Variants in FAM117A observed in about 807,000 individuals in gnomAD.
FAM117A encodes protein FAM117A.
A neutral mutation model predicts 44.1 loss-of-function variants in FAM117A; 21 were observed. The ratio of observed to expected loss-of-function variants is 0.48; its 90% confidence interval spans 0.34 to 0.69. FAM117A has a LOEUF of 0.69. FAM117A is among the 30% of genes least tolerant of loss of function. The pLI is 0.01. For missense variants in FAM117A, 498 were observed against 589.9 expected (o/e 0.84, Z 1.61); for synonymous variants, 220 against 238.3 (o/e 0.92, Z 0.71).
chr17:49,740,797 G>A (rs2143752049), intron 1 of FAM117A, among the ~76,000 whole-genome samples: 1 of 152,274 alleles, frequency 6.6e-6, no homozygotes, highest in African/African-American at 2.4e-5. Context: ...GGCCACACCA[G>A]CATATCTCCC....
At chr17:49,769,913 A>G (rs912636944) in intron 1 of FAM117A, among the ~76,000 whole-genome samples, 2 of 152,074 alleles carry the variant, frequency 1.3e-5, no homozygotes, top group Non-Finnish European at 2.9e-5. Flanking sequence ...AGCAAATCAG[A>G]GACAAGCAAA....
intron 7 of FAM117A, among the ~76,000 whole-genome samples, chr17:49,713,932 G>A (rs1034924545): frequency 6.6e-6 from 1 of 152,184 alleles, no homozygotes; most frequent in Non-Finnish European, 1.5e-5. Flanking sequence ...TGGTGGGTGT[G>A]TTTGGGAAGG....
At position 49,717,503 on chromosome 17, in the gene FAM117A, C is replaced by T. The variant is rs771832623; in HGVS notation, c.910+10G>A. On this transcript the variant is annotated intron_variant, in intron 6 of 7. Transcript: ENST00000240364. The stretch of plus-strand genomic sequence containing the variant: ...GAGTCAGCCCTGCTGCCTCAGCCTT[C>T]GCGGCTTACCTTTGTCGTTGGGGGT... The T allele has an allele frequency of 4.8e-5, 78 of 1,612,874 alleles. No homozygotes were observed. Among genetic ancestry groups the T allele is most frequent in the Non-Finnish European group, 5.9e-5 (70 of 1,179,586 alleles).
intron 7 of FAM117A, among the ~76,000 whole-genome samples, chr17:49,714,058 G>A (rs1212626763): frequency 1.3e-5 from 2 of 152,114 alleles, no homozygotes; most frequent in Admixed American, 6.6e-5. Context: ...TTCTAGGTGT[G>A]TGCATGTACG....
intron 1 of FAM117A, among the ~76,000 whole-genome samples, chr17:49,785,741 G>A (rs1278027094): frequency 1.3e-5 from 2 of 152,148 alleles, no homozygotes; most frequent in Non-Finnish European, 2.9e-5. Flanking sequence ...CAGCAGTTAA[G>A]TGCAAAATAA....
intron 5 of FAM117A, among the ~76,000 whole-genome samples, chr17:49,718,657 C>T (rs535670365): frequency 1.4e-5 from 2 of 142,574 alleles, no homozygotes; most frequent in South Asian, 2.2e-4. Flanking sequence ...GGCGACAGAG[C>T]GAGATTCTGT....
Position 49,764,041 on chromosome 17 carries a change from G to A in FAM117A, c.47C>T (p.Pro16Leu). Residue 16 changes from proline to leucine, a missense_variant, in exon 1 of 8, where the codon CCG becomes CTG. By Grantham distance (98) the Pro-to-Leu change is moderately conservative (BLOSUM62 -3). Transcript: ENST00000240364. ...AGGRGGGAWG[P>L]GRGGAGGLRR... ...GAGCCCCCCGGCCCCTCCGCGCCCC[G>A]GCCCCCAGGCACCTCCGCCTCTGCC... 1.8e-6 allele frequency: 1 copy of A among 557,470 alleles called. No homozygotes were observed. Among genetic ancestry groups the A allele is most frequent in the Non-Finnish European group, 2.3e-6 (1 of 439,382 alleles). 34.5% of individuals were successfully genotyped at this position (557,470 alleles called of 1,614,324 possible). A position where few individuals can be genotyped will look rare whatever the true frequency, so the allele number is the denominator to read the frequency against.
At chr17:49,734,143 A>C (rs1459564724) in intron 1 of FAM117A, among the ~76,000 whole-genome samples, 2 of 132,262 alleles carry the variant, frequency 1.5e-5, no homozygotes, top group Non-Finnish European at 3.3e-5. Context: ...ACTCTGTCTC[A>C]AAAAAAAAAA....
intron 1 of FAM117A, among the ~76,000 whole-genome samples, chr17:49,736,745 A>G (rs2073612492): frequency 6.6e-6 from 1 of 152,214 alleles, no homozygotes; most frequent in Non-Finnish European, 1.5e-5. Context: ...TGTCAGGGCC[A>G]GCTTTACTGC....
rs145912572 is a variant in FAM117A at position 49,746,692 on chromosome 17, C to T, written c.197-13972G>A. Among the ~76,000 whole-genome samples the T allele has an allele frequency of 9.3e-3, 1,424 of 152,306 alleles. 14 individuals carry two copies. The highest frequency in any genetic ancestry group is 0.034 in the Middle Eastern group (10 of 294). On this transcript the variant is annotated intron_variant, in intron 1 of 7. Transcript: ENST00000240364. ...ACACAGCCAAGTGGCCCCTCGGCAT[C>T]CATTTGTCATGATTGCTCTTCAAAA...
chr17:49,756,713 C>T (rs1241521065), intron 1 of FAM117A, among the ~76,000 whole-genome samples: 1 of 151,606 alleles, frequency 6.6e-6, no homozygotes, highest in Non-Finnish European at 1.5e-5. Flanking sequence ...GTCAGGAGTT[C>T]GAGACCAGAC....
intron 3 of FAM117A, among the ~76,000 whole-genome samples, chr17:49,721,106 G>C (rs1268774662): frequency 2.0e-5 from 3 of 152,214 alleles, no homozygotes; most frequent in Non-Finnish European, 4.4e-5. Context: ...CCTGAGACCA[G>C]GAAGGATGGG....
chr17:49,772,291 CA>C (rs71146935), intron 1 of FAM117A, among the ~76,000 whole-genome samples: 4,787 of 136,348 alleles, frequency 0.035, 119 homozygotes, highest in Non-Finnish European at 0.052. Context: ...AACTCCACCT[CA>C]AAAAAAAAAA....
intron 1 of FAM117A, among the ~76,000 whole-genome samples, chr17:49,763,527 G>T (rs1444717910): frequency 7.4e-6 from 1 of 134,872 alleles, no homozygotes; most frequent in East Asian, 2.2e-4. Flanking sequence ...CCATCCGCAC[G>T]GGGCGCCCCC....
At chr17:49,727,045 T>A (rs2073563258) in intron 2 of FAM117A, among the ~76,000 whole-genome samples, 1 of 152,020 alleles carries the variant, frequency 6.6e-6, no homozygotes. Flanking sequence ...CACACCATGC[T>A]GCTCAGTCAT....
At chr17:49,774,665 G>A (rs1210682676) in intron 1 of FAM117A, among the ~76,000 whole-genome samples, 1 of 152,050 alleles carries the variant, frequency 6.6e-6, no homozygotes, top group Non-Finnish European at 1.5e-5. Flanking sequence ...GTCAACTCTG[G>A]TATTCCTTGT....
intron 7 of FAM117A, among the ~76,000 whole-genome samples, 164 bp from the exon 8 acceptor site, chr17:49,711,719 T>TA (rs2073479533): frequency 6.6e-6 from 1 of 152,068 alleles, no homozygotes. Flanking sequence ...CTCTCTATTT[T>TA]TAAAAAAATA....
chr17:49,769,411 A>T (rs959765175), intron 1 of FAM117A, among the ~76,000 whole-genome samples: 14 of 152,196 alleles, frequency 9.2e-5, no homozygotes, highest in Admixed American at 6.5e-4. Context: ...TTAAAACTTT[A>T]GAATAGGCCG....
chr17:49,761,655 G>T (rs796162508), intron 1 of FAM117A, among the ~76,000 whole-genome samples: 9 of 152,228 alleles, frequency 5.9e-5, no homozygotes, highest in African/African-American at 2.2e-4. Context: ...ACTACAAGGG[G>T]TTTCCTTTTA....
Sources: gnomAD v4.1 joint callset for allele counts (sites outside exome capture counted in the v4.1 genomes callset) on GRCh38, gnomAD v4.1.1 for gene constraint, MANE v1.5 for transcripts, NCBI Gene and HGNC (gene_info 2026-07-23, HGNC 2026-07-21) for gene names.